The following SDC3 variants were observed in gnomAD, a reference collection of about 807,000 sequenced individuals.
The protein encoded by SDC3 is syndecan 3.
A neutral mutation model predicts 24.4 loss-of-function variants in SDC3; 13 were observed. The observed-to-expected ratio is 0.53, with a 90% CI of 0.35 to 0.85. SDC3 has a LOEUF of 0.85. Among genes scored for constraint, SDC3 ranks in the 40% least tolerant of loss-of-function variants. SDC3 has a pLI of 0.01. For synonymous variants in SDC3, 295 were observed against 260.9 expected (o/e 1.13, Z -1.26); for missense variants, 571 against 584.5 (o/e 0.98, Z 0.24).
At chr1:30,907,028 C>G (rs1045594874) in intron 1 of SDC3, among the ~76,000 whole-genome samples, 8 of 152,198 alleles carry the variant, frequency 5.3e-5, no homozygotes, top group African/African-American at 1.9e-4. Flanking sequence ...AGGGGCCTGT[C>G]CATCCAAGAA....
At chr1:30,890,814 C>T (rs1431949441) in intron 1 of SDC3, among the ~76,000 whole-genome samples, 1 of 152,182 alleles carries the variant, frequency 6.6e-6, no homozygotes, top group African/African-American at 2.4e-5. Context: ...CACCTCCTCT[C>T]CCATTTGAAC....
At chr1:30,902,538 A>G in intron 1 of SDC3, among the ~76,000 whole-genome samples, 1 of 152,204 alleles carries the variant, frequency 6.6e-6, no homozygotes, top group East Asian at 1.9e-4. Flanking sequence ...AGAGGCCTGG[A>G]GGGGCCAGTG....
intron 1 of SDC3, among the ~76,000 whole-genome samples, chr1:30,899,951 A>G (rs545592078): frequency 6.6e-6 from 1 of 152,348 alleles, no homozygotes; most frequent in South Asian, 2.1e-4. Context: ...ACAGGCGCCC[A>G]TGCAGGAGCC....
chr1:30,879,007 G>A, intron 1 of SDC3: 1 of 447,418 alleles, frequency 2.2e-6, no homozygotes. Context: ...CATCTTGACT[G>A]CACATCTGAA....
At chr1:30,900,578 C>G (rs1302660857) in intron 1 of SDC3, among the ~76,000 whole-genome samples, 1 of 152,028 alleles carries the variant, frequency 6.6e-6, no homozygotes, top group African/African-American at 2.4e-5. Context: ...CCCAAAACAA[C>G]AGTCCACCTC....
At chr1:30,907,421 A>G (rs1638543898) in intron 1 of SDC3, among the ~76,000 whole-genome samples, 1 of 152,086 alleles carries the variant, frequency 6.6e-6, no homozygotes, top group South Asian at 2.1e-4. Flanking sequence ...CCACCTGCAC[A>G]TGCTTGGTTC....
intron 1 of SDC3, among the ~76,000 whole-genome samples, chr1:30,892,576 G>A: frequency 6.6e-6 from 1 of 152,216 alleles, no homozygotes; most frequent in East Asian, 1.9e-4. Context: ...TCAGGCAAGT[G>A]GCTGTTGCTA....
chr1:30,898,700 C>A (rs572719680), intron 1 of SDC3, among the ~76,000 whole-genome samples: 2 of 152,304 alleles, frequency 1.3e-5, no homozygotes, highest in Non-Finnish European at 2.9e-5. Flanking sequence ...GTCCTGCCTG[C>A]CCTTCCCCAC....
chr1:30,895,295 A>G (rs1052359175), intron 1 of SDC3, among the ~76,000 whole-genome samples: 1 of 152,180 alleles, frequency 6.6e-6, no homozygotes, highest in Non-Finnish European at 1.5e-5. Context: ...CCTTAGCTCC[A>G]CGTGGAAAAA....
At chr1:30,894,881 G>A (rs1639978904) in intron 1 of SDC3, among the ~76,000 whole-genome samples, 1 of 152,026 alleles carries the variant, frequency 6.6e-6, no homozygotes, top group South Asian at 2.1e-4. Flanking sequence ...GTGGGTCTGA[G>A]TGTGTCCATG....
intron 1 of SDC3, 48 bp from the exon 2 acceptor site, chr1:30,878,788 G>T: frequency 6.6e-7 from 1 of 1,513,512 alleles, no homozygotes; most frequent in Non-Finnish European, 9.2e-7. Flanking sequence ...GAGACTGGCA[G>T]CCTGGGTGAG....
chr1:30,908,617 C>A lies in SDC3; in HGVS notation c.-31G>T. ...CGGCGCGGGCGCGGGCGGCGGGCGG[C>A]GGGCGGGCGCCTTTGTTCCCGAGGC... On this transcript the variant is annotated 5_prime_UTR_variant, in exon 1 of 5. Coordinates refer to ENST00000339394, the MANE Select transcript of SDC3 (RefSeq NM_014654.4). 1 of 898,214 alleles carries A rather than the reference C, an allele frequency of 1.1e-6. No homozygotes were observed. Among genetic ancestry groups the A allele is most frequent in the Non-Finnish European group, 1.3e-6 (1 of 755,470 alleles). 55.6% of individuals were successfully genotyped at this position (898,214 alleles called of 1,614,324 possible). A position where few individuals can be genotyped will look rare whatever the true frequency, so the allele number is the denominator to read the frequency against.
intron 1 of SDC3, 36 bp from the exon 2 acceptor site, chr1:30,878,776 C>G: frequency 6.3e-7 from 1 of 1,578,586 alleles, no homozygotes; most frequent in South Asian, 1.1e-5. Flanking sequence ...GGCTCGGCAC[C>G]CGAGACTGGC....
rs1402441143 is a variant in SDC3 at position 30,870,795 on chromosome 1, G to T, written c.*2416C>A. ...TTGGCTCCAGCCCTACTGAGAAACT[G>T]CACCCACTGTTGGGTCTCCCACCTG... On this transcript the variant is annotated 3_prime_UTR_variant, in exon 5 of 5. Coordinates refer to ENST00000339394, the MANE Select transcript of SDC3 (RefSeq NM_014654.4). 6.6e-6 allele frequency: 1 copy of T among 152,384 alleles called. No homozygotes were observed. Among genetic ancestry groups the T allele is most frequent in the Non-Finnish European group, 1.5e-5 (1 of 68,174 alleles). The allele number at this position is 152,384 out of a possible 1,614,324, so 9.4% of individuals were successfully genotyped here.
chr1:30,894,313 GCATGAGTGTGTGGAT>G (rs1639957342), intron 1 of SDC3, among the ~76,000 whole-genome samples: 1 of 139,046 alleles, frequency 7.2e-6, no homozygotes, highest in Non-Finnish European at 1.6e-5. Flanking sequence ...GGGTGTGTGT[GCATGAGTGTGTGGAT>G]GAGTGTGTGT....
intron 1 of SDC3, among the ~76,000 whole-genome samples, chr1:30,893,676 A>AG (rs1381850554): frequency 6.6e-6 from 1 of 151,968 alleles, no homozygotes; most frequent in African/African-American, 2.4e-5. Context: ...AATCCCCCCC[A>AG]GAAATCAGAA....
chr1:30,874,272 C>T (rs1639591483), intron 4 of SDC3, 25 bp downstream of exon 4: 1 of 1,575,422 alleles, frequency 6.3e-7, no homozygotes, highest in Non-Finnish European at 8.6e-7. Context: ...CCCAGGCTCC[C>T]CTTGGCCCAG....
In SDC3 at chr1:30,878,613, G is replaced by A. The variant is rs1009268868; in HGVS notation, c.256+10C>T. The A allele has an allele frequency of 1.2e-6, 2 of 1,603,704 alleles. No homozygotes were observed. The highest frequency in any genetic ancestry group is 1.7e-6 in the Non-Finnish European group (2 of 1,170,380). On this transcript the variant is annotated intron_variant, in intron 2 of 4. Transcript: ENST00000339394. Reference sequence around the variant, plus strand: ...TGCCCCCAGGCAGAGGTAGGGAGGGGGGTACTTACAGCCCGAGCCCGACCC... The same window carrying A: ...TGCCCCCAGGCAGAGGTAGGGAGGGAGGTACTTACAGCCCGAGCCCGACCC...
At chr1:30,891,224 A>C (rs1157901826) in intron 1 of SDC3, among the ~76,000 whole-genome samples, 1 of 152,166 alleles carries the variant, frequency 6.6e-6, no homozygotes, top group Non-Finnish European at 1.5e-5. Context: ...ATTTTAACTC[A>C]AGTCCATCTG....
Sources: allele counts gnomAD v4.1 joint callset (sites outside exome capture counted in the v4.1 genomes callset), GRCh38; gene constraint gnomAD v4.1.1; transcripts MANE v1.5; gene names NCBI Gene and HGNC (gene_info 2026-07-23, HGNC 2026-07-21).